Variants in TTBK2 observed in about 807,000 individuals in gnomAD.
TTBK2 encodes tau-tubulin kinase 2.
TTBK2 carries 28 observed loss-of-function variants against 110.8 expected under a neutral mutation model. The ratio of observed to expected loss-of-function variants is 0.25; its 90% confidence interval spans 0.19 to 0.35. TTBK2 has a LOEUF of 0.35. Among genes scored for constraint, TTBK2 ranks in the 10% least tolerant of loss-of-function variants. The pLI is 1.00. For missense variants in TTBK2, 1,369 were observed against 1,500.3 expected (o/e 0.91, Z 1.45); for synonymous variants, 532 against 527.3 (o/e 1.01, Z -0.12).
intron 9 of TTBK2, among the ~76,000 whole-genome samples, chr15:42,804,628 A>T (rs1426177192): frequency 6.6e-6 from 1 of 152,154 alleles, no homozygotes; most frequent in Non-Finnish European, 1.5e-5. Context: ...CAGGCAAGGT[A>T]AAAACAGCAT....
intron 3 of TTBK2, among the ~76,000 whole-genome samples, chr15:42,862,616 C>T (rs543363462): frequency 9.2e-5 from 14 of 152,196 alleles, no homozygotes; most frequent in African/African-American, 3.4e-4. Flanking sequence ...TGGCCAGGCG[C>T]GGTGGCTCAC....
chr15:42,786,945 A>G (rs1890437752), intron 10 of TTBK2, among the ~76,000 whole-genome samples: 1 of 152,252 alleles, frequency 6.6e-6, no homozygotes, highest in Admixed American at 6.5e-5. Context: ...TTATTAGCAC[A>G]TGGTCTGTGT....
chr15:42,860,993 A>G (rs1302799540), intron 3 of TTBK2, among the ~76,000 whole-genome samples: 2 of 152,164 alleles, frequency 1.3e-5, no homozygotes, highest in African/African-American at 2.4e-5. Context: ...ATTTAAACCA[A>G]CAACAATCAA....
chr15:42,810,818 A>C, intron 8 of TTBK2, 79 bp from the exon 9 acceptor site: 12 of 1,534,292 alleles, frequency 7.8e-6, no homozygotes, highest in Non-Finnish European at 1.1e-5. Context: ...TAACCGTCTC[A>C]AGGGTATGTA....
intron 1 of TTBK2, among the ~76,000 whole-genome samples, chr15:42,885,737 GTC>G (rs1228460170): frequency 2.0e-5 from 3 of 151,850 alleles, no homozygotes; most frequent in African/African-American, 7.3e-5. Flanking sequence ...TTCTCTCCAT[GTC>G]TCTACCCTTC....
chr15:42,749,880 C>T (rs1226044004), intron 14 of TTBK2, among the ~76,000 whole-genome samples: 1 of 152,180 alleles, frequency 6.6e-6, no homozygotes, highest in African/African-American at 2.4e-5. Flanking sequence ...GTTTACATCT[C>T]AGGCTGGTCC....
chr15:42,870,050 C>T (rs1436843678), intron 3 of TTBK2, among the ~76,000 whole-genome samples: 9 of 151,700 alleles, frequency 5.9e-5, no homozygotes, highest in South Asian at 2.1e-4. Flanking sequence ...GGCACCCACC[C>T]GTAGTCCCAG....
intron 10 of TTBK2, among the ~76,000 whole-genome samples, chr15:42,787,249 A>G (rs1890452691): frequency 1.3e-5 from 2 of 152,184 alleles, no homozygotes; most frequent in African/African-American, 4.8e-5. Context: ...GCTCACAGAT[A>G]TTTATCTGAC....
At position 42,815,958 on chromosome 15, in the gene TTBK2, A is replaced by AAAAAATATATATATAT. The variant is rs71108183; in HGVS notation, c.603+1073_603+1074insATATATATATATTTTT. ...TATATATATATATATTTAAAAAAAAAATATATATATATATATATATTTGAG... is the reference window on the plus strand; with the variant it reads ...TATATATATATATATTTAAAAAAAAAAAAAATATATATATATATATATATATATATATATATTTGAG... On this transcript the variant is annotated intron_variant, in intron 7 of 14. Transcript: ENST00000267890. 1.0e-3 allele frequency among the ~76,000 whole-genome samples: 96 copies of AAAAAATATATATATAT among 91,684 alleles called. 2 individuals carry two copies. The highest frequency in any genetic ancestry group is 1.9e-3 in the African/African-American group (31 of 16,140). 60.1% of individuals were successfully genotyped at this position (91,684 alleles called of 152,430 possible). A position where few individuals can be genotyped will look rare whatever the true frequency, so the allele number is the denominator to read the frequency against.
At chr15:42,913,049 C>T (rs1468377691) in intron 1 of TTBK2, among the ~76,000 whole-genome samples, 1 of 143,044 alleles carries the variant, frequency 7.0e-6, no homozygotes, top group Non-Finnish European at 1.5e-5. Context: ...GGCGTGAACC[C>T]GGGAAGCGGA....
At chr15:42,835,367 A>G (rs1892945632) in intron 4 of TTBK2, among the ~76,000 whole-genome samples, 1 of 152,232 alleles carries the variant, frequency 6.6e-6, no homozygotes, top group South Asian at 2.1e-4. Context: ...TAAAACTGGA[A>G]TCTTATATAA....
At chr15:42,843,716 G>A (rs1245412725) in intron 3 of TTBK2, among the ~76,000 whole-genome samples, 14 of 138,224 alleles carry the variant, frequency 1.0e-4, no homozygotes, top group Non-Finnish European at 2.1e-4. Context: ...CCAAGATTGC[G>A]CCGCTGCACT....
chr15:42,775,686 C>G lies in TTBK2; in HGVS notation c.1447G>C (p.Glu483Gln). The G allele has an allele frequency of 6.2e-7, 1 of 1,613,160 alleles. No individual in the cohort carries two copies. The highest frequency in any genetic ancestry group is 1.3e-5 in the African/African-American group (1 of 74,996). Reference protein sequence around the residue: ...KMQKDTSAGKESILPALLHKP... With the variant: ...KMQKDTSAGKQSILPALLHKP... ...TGCAGCAGAGCAGGGAGAATAGATT[C>G]TTTTCCTGCACTGGTATCTTTCTGC... Residue 483 changes from glutamate to glutamine, a missense_variant, in exon 13 of 15, where the codon GAA (glutamate) becomes CAA (glutamine). Transcript: ENST00000267890.
At chr15:42,761,834 A>C (rs2062032165) in intron 13 of TTBK2, among the ~76,000 whole-genome samples, 1 of 152,232 alleles carries the variant, frequency 6.6e-6, no homozygotes, top group African/African-American at 2.4e-5. Context: ...GAACTCTCAA[A>C]TACAGTGTTT....
intron 3 of TTBK2, among the ~76,000 whole-genome samples, chr15:42,846,776 G>C (rs747069091): frequency 3.9e-5 from 6 of 152,166 alleles, no homozygotes; most frequent in Non-Finnish European, 8.8e-5. Flanking sequence ...TTAGAGGAGA[G>C]GATTGGAACT....
chr15:42,782,821 A>G (rs1395431037), intron 11 of TTBK2, among the ~76,000 whole-genome samples: 1 of 152,224 alleles, frequency 6.6e-6, no homozygotes, highest in Non-Finnish European at 1.5e-5. Flanking sequence ...GTCAAGCGCC[A>G]CTTCATTCTC....
intron 1 of TTBK2, among the ~76,000 whole-genome samples, chr15:42,879,275 G>A (rs2141134125): frequency 6.6e-6 from 1 of 152,222 alleles, no homozygotes; most frequent in Middle Eastern, 3.4e-3. Flanking sequence ...AACCAGTCCA[G>A]GAATGAGAAA....
intron 9 of TTBK2, among the ~76,000 whole-genome samples, chr15:42,808,781 T>C (rs541891253): frequency 4.6e-4 from 70 of 152,066 alleles, no homozygotes; most frequent in African/African-American, 1.6e-3. Flanking sequence ...GTCTTGGAGG[T>C]TGAAGCTGCA....
intron 1 of TTBK2, among the ~76,000 whole-genome samples, chr15:42,916,766 T>TA (rs2031103375): frequency 6.6e-6 from 1 of 152,236 alleles, no homozygotes; most frequent in Non-Finnish European, 1.5e-5. Context: ...ATGAACAAAA[T>TA]ATAGTCTTTC....
Sources: gnomAD v4.1 joint callset for allele counts (sites outside exome capture counted in the v4.1 genomes callset) on GRCh38, gnomAD v4.1.1 for gene constraint, MANE v1.5 for transcripts, NCBI Gene and HGNC (gene_info 2026-07-23, HGNC 2026-07-21) for gene names.